HCN1: variants seen among roughly 807,000 people sequenced by gnomAD.
HCN1 encodes the protein potassium/sodium hyperpolarization-activated cyclic nucleotide-gated channel 1.
A neutral mutation model predicts 78.9 loss-of-function variants in HCN1; 13 were observed. That is an observed-to-expected ratio of 0.16 (90% confidence interval 0.11 to 0.26). HCN1 has a LOEUF of 0.26. HCN1 is among the 10% of genes least tolerant of loss of function. The pLI is 1.00. For missense variants in HCN1, 810 were observed against 1,154.3 expected (o/e 0.70, Z 4.32); for synonymous variants, 552 against 455.5 (o/e 1.21, Z -2.70).
chr5:45,514,321 A>G (rs1027801517), intron 2 of HCN1, among the ~76,000 whole-genome samples: 2 of 152,110 alleles, frequency 1.3e-5, no homozygotes, highest in African/African-American at 4.8e-5. Context: ...CATTATTGCC[A>G]CAATCATCCC....
At chr5:45,547,933 T>C (rs533498319) in intron 2 of HCN1, among the ~76,000 whole-genome samples, 1 of 152,090 alleles carries the variant, frequency 6.6e-6, no homozygotes, top group East Asian at 1.9e-4. Context: ...CACCTATTCG[T>C]ATCTGTCTTG....
intron 4 of HCN1, among the ~76,000 whole-genome samples, chr5:45,375,688 A>G (rs1205948751): frequency 9.0e-6 from 1 of 110,516 alleles, no homozygotes; most frequent in Non-Finnish European, 1.6e-5. Context: ...TATTATATAT[A>G]AGATCATATT....
At chr5:45,461,341 C>T (rs1273282654) in intron 3 of HCN1, among the ~76,000 whole-genome samples, 6 of 151,918 alleles carry the variant, frequency 3.9e-5, no homozygotes, top group Admixed American at 3.3e-4. Context: ...ACCTTTTCCC[C>T]GAAGTTTTCC....
chr5:45,296,004 C>G (rs1745484604), intron 6 of HCN1, among the ~76,000 whole-genome samples: 1 of 151,932 alleles, frequency 6.6e-6, no homozygotes. Context: ...GTAATGTAAA[C>G]TTATTTTTTC....
chr5:45,370,468 C>T (rs920666691), intron 4 of HCN1, among the ~76,000 whole-genome samples: 8 of 152,054 alleles, frequency 5.3e-5, no homozygotes, highest in African/African-American at 1.4e-4. Flanking sequence ...ACATATACAC[C>T]TTGTTTCACA....
intron 2 of HCN1, among the ~76,000 whole-genome samples, chr5:45,567,982 T>C (rs1362873717): frequency 6.6e-6 from 1 of 151,846 alleles, no homozygotes; most frequent in Non-Finnish European, 1.5e-5. Context: ...ATTAAAGTTT[T>C]CACTAAGAAC....
intron 2 of HCN1, among the ~76,000 whole-genome samples, chr5:45,618,478 G>A (rs903284517): frequency 6.6e-6 from 1 of 152,048 alleles, no homozygotes; most frequent in African/African-American, 2.4e-5. Flanking sequence ...CATTTGAGAG[G>A]CTTTAAACAG....
At chr5:45,599,423 G>T (rs968330409) in intron 2 of HCN1, among the ~76,000 whole-genome samples, 6 of 151,936 alleles carry the variant, frequency 3.9e-5, no homozygotes, top group African/African-American at 1.2e-4. Context: ...GTGGGGGCTG[G>T]GGGAGGGATA....
chr5:45,290,141 G>T (rs1257898565), intron 6 of HCN1, among the ~76,000 whole-genome samples: 1 of 151,974 alleles, frequency 6.6e-6, no homozygotes, highest in African/African-American at 2.4e-5. Flanking sequence ...TGCACATGCT[G>T]TCTTGCCTGC....
chr5:45,523,749 C>T (rs374535733), intron 2 of HCN1, among the ~76,000 whole-genome samples: 5 of 152,020 alleles, frequency 3.3e-5, no homozygotes, highest in East Asian at 1.9e-4. Flanking sequence ...CATTGTAGAT[C>T]CTGGATATTA....
rs900311964 is a variant in HCN1 at position 45,257,276 on chromosome 5, A to G, written c.*4645T>C. The G allele has an allele frequency of 1.3e-5, 2 of 152,176 alleles. No homozygotes were observed. The highest frequency in any genetic ancestry group is 2.4e-5 in the African/African-American group (1 of 41,432). The allele number at this position is 152,176 out of a possible 1,614,324, so 9.4% of individuals were successfully genotyped here. ...TTTTGAAATCCCTATTTCCCACTTG[A>G]TCTGGGTTCCTCTTCACCCTGTGAG... is the stretch of plus-strand genomic sequence containing the variant. On this transcript the variant is annotated 3_prime_UTR_variant, in exon 8 of 8. Coordinates refer to ENST00000303230, the MANE Select transcript of HCN1 (RefSeq NM_021072.4).
chr5:45,375,843 A>ATTTTATCTTATATATTATATATG (rs1176906173), intron 4 of HCN1, among the ~76,000 whole-genome samples: 1 of 120,812 alleles, frequency 8.3e-6, no homozygotes, highest in African/African-American at 3.3e-5. Context: ...TCTTATATAT[A>ATTTTATCTTATATATTATATATG]ATATAATATT....
At chr5:45,459,560 C>G (rs537991135) in intron 3 of HCN1, among the ~76,000 whole-genome samples, 20 of 151,966 alleles carry the variant, frequency 1.3e-4, no homozygotes, top group African/African-American at 4.3e-4. Flanking sequence ...CATTTGAGCA[C>G]ATATAGACAT....
At chr5:45,525,390 T>G (rs1259163120) in intron 2 of HCN1, among the ~76,000 whole-genome samples, 1 of 151,886 alleles carries the variant, frequency 6.6e-6, no homozygotes, top group African/African-American at 2.4e-5. Context: ...GCAATGAATA[T>G]ACAAAGAAAA....
At chr5:45,430,180 T>A (rs1484455923) in intron 3 of HCN1, among the ~76,000 whole-genome samples, 1 of 152,174 alleles carries the variant, frequency 6.6e-6, no homozygotes, top group Non-Finnish European at 1.5e-5. Context: ...CAGATCCTAA[T>A]TACAGAAAGA....
At chr5:45,270,709 G>A (rs1292433943) in intron 6 of HCN1, among the ~76,000 whole-genome samples, 2 of 152,088 alleles carry the variant, frequency 1.3e-5, no homozygotes, top group African/African-American at 2.4e-5. Flanking sequence ...AAATGTATTT[G>A]TCTTATGCTT....
Position 45,582,274 on chromosome 5 carries a change from T to G in HCN1, c.849+62911A>C, listed in dbSNP as rs201250001. ...TGGATTCCTAGGTATTTTATTCTCTTTGAAGCAATTGTGAATGGGAGTTCA... is the reference window on the plus strand; with the variant it reads ...TGGATTCCTAGGTATTTTATTCTCTGTGAAGCAATTGTGAATGGGAGTTCA... On this transcript the variant is annotated intron_variant, in intron 2 of 7. Coordinates refer to ENST00000303230, the MANE Select transcript of HCN1 (RefSeq NM_021072.4). 1.9e-4 allele frequency among the ~76,000 whole-genome samples: 29 copies of G among 152,296 alleles called. No homozygotes were observed. The East Asian group carries it at 5.2e-3, about 27-fold the overall frequency.
At chr5:45,304,038 C>T (rs534352874) in intron 5 of HCN1, among the ~76,000 whole-genome samples, 199 bp from the exon 6 acceptor site, 1 of 152,070 alleles carries the variant, frequency 6.6e-6, no homozygotes, top group Non-Finnish European at 1.5e-5. Context: ...GTATTCCCAG[C>T]ACCTAGTGTA....
intron 4 of HCN1, among the ~76,000 whole-genome samples, chr5:45,373,372 A>T (rs1412802643): frequency 8.6e-6 from 1 of 116,698 alleles, no homozygotes; most frequent in African/African-American, 3.6e-5. Context: ...TATAATATAT[A>T]TTTTATATAA....
Sources: gnomAD v4.1 joint callset for allele counts (sites outside exome capture counted in the v4.1 genomes callset) on GRCh38, gnomAD v4.1.1 for gene constraint, MANE v1.5 for transcripts, NCBI Gene and HGNC (gene_info 2026-07-23, HGNC 2026-07-21) for gene names.